Variants in OPCML observed in about 807,000 individuals in gnomAD.
The protein encoded by OPCML is opioid-binding protein/cell adhesion molecule.
Under a neutral mutation model 37.8 loss-of-function variants are expected in OPCML, and 13 were observed. The observed-to-expected ratio is 0.34, with a 90% CI of 0.22 to 0.55. OPCML has a LOEUF of 0.55. Among genes scored for constraint, OPCML ranks in the 20% least tolerant of loss-of-function variants. The pLI is 0.91. For missense variants in OPCML, 341 were observed against 435.6 expected (o/e 0.78, Z 1.93); for synonymous variants, 176 against 168.8 (o/e 1.04, Z -0.33).
intron 1 of OPCML, among the ~76,000 whole-genome samples, chr11:133,112,311 G>GAAAAAAAAAAAAAAAAA (rs1491223305): frequency 1.3e-5 from 1 of 79,038 alleles, no homozygotes; most frequent in Non-Finnish European, 2.1e-5. Context: ...AAAAAAAAAA[G>GAAAAAAAAAAAAAAAAA]GGGAAAGAAA....
chr11:133,479,807 T>C (rs936657034), intron 1 of OPCML, among the ~76,000 whole-genome samples: 1 of 152,168 alleles, frequency 6.6e-6, no homozygotes, highest in African/African-American at 2.4e-5. Context: ...ATTATATCTT[T>C]GGAATCCACC....
At chr11:132,476,090 C>G (rs76567694) in intron 4 of OPCML, among the ~76,000 whole-genome samples, 186 of 152,302 alleles carry the variant, frequency 1.2e-3, no homozygotes, top group African/African-American at 4.1e-3. Flanking sequence ...TATACACACT[C>G]TCATGTTTTT....
chr11:132,792,634 G>A (rs1309338871), intron 2 of OPCML, among the ~76,000 whole-genome samples: 1 of 152,158 alleles, frequency 6.6e-6, no homozygotes, highest in Non-Finnish European at 1.5e-5. Flanking sequence ...TGGGAAGTGT[G>A]AAGGAGAAGC....
intron 1 of OPCML, among the ~76,000 whole-genome samples, chr11:133,060,428 T>G (rs1052764614): frequency 4.6e-5 from 7 of 152,208 alleles, no homozygotes; most frequent in Non-Finnish European, 7.3e-5. Flanking sequence ...TATAGTCACA[T>G]GTAGAAGACA....
chr11:132,871,832 C>A lies in OPCML; in HGVS notation c.146+71094G>T, dbSNP rs181111054. On this transcript the variant is annotated intron_variant, in intron 2 of 7. Transcript: ENST00000524381. Reference sequence around the variant, plus strand: ...TCTCCTGACTCCATGGAGATCTCATCAATGTATGTATGCCTTTGTTTTGTT... The same window carrying A: ...TCTCCTGACTCCATGGAGATCTCATAAATGTATGTATGCCTTTGTTTTGTT... Among the ~76,000 whole-genome samples the A allele has an allele frequency of 3.9e-5, 6 of 152,326 alleles. No homozygotes were observed. In the East Asian group the frequency reaches 1.2e-3, roughly 29 times the overall value.
Position 133,155,626 on chromosome 11 carries a change from A to T in OPCML, c.62-212616T>A, listed in dbSNP as rs555029490. Among the ~76,000 whole-genome samples the T allele has an allele frequency of 3.3e-5, 5 of 152,278 alleles. No individual in the cohort carries two copies. In the South Asian group the frequency reaches 8.3e-4, roughly 25 times the overall value. The stretch of plus-strand genomic sequence containing the variant: ...GATTAACTATGCCGAGCAGGCTACT[A>T]TATATAATCTATACATCTATATGTC... On this transcript the variant is annotated intron_variant, in intron 1 of 7. Coordinates refer to ENST00000524381, the MANE Select transcript of OPCML (RefSeq NM_001012393.5).
At chr11:132,584,837 G>A (rs910183176) in intron 3 of OPCML, among the ~76,000 whole-genome samples, 2 of 152,218 alleles carry the variant, frequency 1.3e-5, no homozygotes, top group Non-Finnish European at 2.9e-5. Context: ...GTGTCTCTGT[G>A]CCTGCCACAT....
At chr11:133,379,647 C>T (rs370658667) in intron 1 of OPCML, among the ~76,000 whole-genome samples, 50 of 152,212 alleles carry the variant, frequency 3.3e-4, no homozygotes, top group African/African-American at 9.6e-4. Context: ...GGCTCTGTGC[C>T]GTTTCTCTAA....
intron 1 of OPCML, among the ~76,000 whole-genome samples, chr11:132,967,730 T>C (rs1476999348): frequency 6.6e-6 from 1 of 152,210 alleles, no homozygotes; most frequent in Non-Finnish European, 1.5e-5. Context: ...TTATCAGTAA[T>C]ATTTGCTTTT....
chr11:132,779,983 C>T (rs1946946086), intron 2 of OPCML, among the ~76,000 whole-genome samples: 1 of 152,064 alleles, frequency 6.6e-6, no homozygotes, highest in South Asian at 2.1e-4. Context: ...TATTTAGGAG[C>T]TGCTGCTCTG....
chr11:133,381,214 C>T (rs541560443), intron 1 of OPCML, among the ~76,000 whole-genome samples: 1 of 152,122 alleles, frequency 6.6e-6, no homozygotes, highest in East Asian at 1.9e-4. Flanking sequence ...TGCAGTGATG[C>T]AAAAGAGAGG....
At chr11:132,584,694 A>G (rs1349561126) in intron 3 of OPCML, among the ~76,000 whole-genome samples, 2 of 152,324 alleles carry the variant, frequency 1.3e-5, no homozygotes, top group East Asian at 1.9e-4. Flanking sequence ...TTAACAGATT[A>G]TAGGATTCCC....
chr11:133,061,339 C>G (rs1203846779), intron 1 of OPCML, among the ~76,000 whole-genome samples: 1 of 152,320 alleles, frequency 6.6e-6, no homozygotes, highest in South Asian at 2.1e-4. Flanking sequence ...GTCTGCAAAG[C>G]CTGCAGTCAC....
chr11:133,059,840 A>G (rs1367898263), intron 1 of OPCML, among the ~76,000 whole-genome samples: 2 of 152,218 alleles, frequency 1.3e-5, no homozygotes, highest in South Asian at 4.1e-4. Flanking sequence ...TCAAAAGGGA[A>G]TGAAATTAGT....
intron 3 of OPCML, among the ~76,000 whole-genome samples, chr11:132,593,345 T>C (rs1438090891): frequency 6.6e-6 from 1 of 152,158 alleles, no homozygotes; most frequent in Non-Finnish European, 1.5e-5. Flanking sequence ...CTCACTCGGT[T>C]TCCTGTAGAC....
At chr11:132,769,141 G>A (rs1324255934) in intron 2 of OPCML, among the ~76,000 whole-genome samples, 1 of 144,040 alleles carries the variant, frequency 6.9e-6, no homozygotes, top group African/African-American at 2.6e-5. Flanking sequence ...GGGGTGTGGG[G>A]GTATTGGGTT....
intron 1 of OPCML, among the ~76,000 whole-genome samples, chr11:132,978,507 T>A (rs77903955): frequency 2.6e-5 from 4 of 152,328 alleles, no homozygotes; most frequent in Non-Finnish European, 5.9e-5. Flanking sequence ...ACTGTCTTTT[T>A]GTCCCAGAGG....
chr11:133,485,370 G>A (rs76023785), intron 1 of OPCML, among the ~76,000 whole-genome samples: 1,899 of 152,178 alleles, frequency 0.012, 49 homozygotes, highest in African/African-American at 0.042. Context: ...AAATTATGGA[G>A]GAATTTTTTT....
chr11:132,739,396 A>G (rs1041372860), intron 2 of OPCML, among the ~76,000 whole-genome samples: 1 of 152,186 alleles, frequency 6.6e-6, no homozygotes, highest in African/African-American at 2.4e-5. Context: ...CAGGCAATGA[A>G]CCTAAGTGGG....
Sources: gnomAD v4.1 joint callset for allele counts (sites outside exome capture counted in the v4.1 genomes callset) on GRCh38, gnomAD v4.1.1 for gene constraint, MANE v1.5 for transcripts, NCBI Gene and HGNC (gene_info 2026-07-23, HGNC 2026-07-21) for gene names.